The following RBM3 variants were observed in gnomAD, a reference collection of about 807,000 sequenced individuals.
The protein encoded by RBM3 is RNA-binding protein 3.
RBM3 carries 3 observed loss-of-function variants against 12.0 expected under a neutral mutation model. The observed-to-expected ratio is 0.25, with a 90% CI of 0.11 to 0.65. The LOEUF is 0.65. RBM3 is among the 30% of genes least tolerant of loss of function. RBM3 has a pLI of 0.84. For missense variants in RBM3, 108 were observed against 134.5 expected, an observed-to-expected ratio of 0.80 and a Z score of 0.97; for synonymous variants, 58 against 45.7, an observed-to-expected ratio of 1.27 and a Z score of -1.08.
intron 3 of RBM3, 24 bp downstream of exon 3, chrX:48,575,691 G>A: frequency 5.2e-6 from 6 of 1,164,552 alleles, no homozygotes; most frequent in Non-Finnish European, 5.8e-6. Context: ...TCTGCAGAGG[G>A]ACCTTGTCCC....
Position 48,579,302 on chromosome X carries a change from T to C in RBM3, c.*1861T>C, listed in dbSNP as rs782342710. 8.9e-6 allele frequency among the ~76,000 whole-genome samples: 1 copy of C among 112,094 alleles called. No individual in the cohort carries two copies. The highest frequency in any genetic ancestry group is 2.8e-4 in the East Asian group (1 of 3,584). On this transcript the variant is annotated 3_prime_UTR_variant, in exon 7 of 7. Coordinates refer to ENST00000376759, the MANE Select transcript of RBM3 (RefSeq NM_006743.5). ...CACCAGGTTGCAAACTCCAGGACATTATTGTCCTGAGCTGCCTATTCCCTT... is the reference window on the plus strand; with the variant it reads ...CACCAGGTTGCAAACTCCAGGACATCATTGTCCTGAGCTGCCTATTCCCTT...
chrX:48,579,797 T>C lies in RBM3; in HGVS notation c.*2356T>C, dbSNP rs182881536. ...GACCAAAATTTATTTGTATAACAAC[T>C]CTAAACCTGCTCTGCTCTGCTGTGT... On this transcript the variant is annotated 3_prime_UTR_variant, in exon 7 of 7. Transcript: ENST00000376759. 1 of 111,782 alleles carries C rather than the reference T, an allele frequency of 8.9e-6. No individual in the cohort carries two copies. Among genetic ancestry groups the C allele is most frequent in the East Asian group, 2.8e-4 (1 of 3,580 alleles). The allele number at this position is 111,782 out of a possible 1,213,427, so 9.2% of individuals were successfully genotyped here. A position where few individuals can be genotyped will look rare whatever the true frequency, so the allele number is the denominator to read the frequency against.
At position 48,577,602 on chromosome X, in the gene RBM3, G is replaced by A; in HGVS notation, c.*161G>A. ...TTTAAATTGACCTGCCAAGGTAGCT[G>A]AAGACCTTTTAGACAGTTCCATCTT... On this transcript the variant is annotated 3_prime_UTR_variant, in exon 7 of 7. Transcript: ENST00000376759. 5.0e-6 allele frequency: 3 copies of A among 597,507 alleles called. No homozygotes were observed. The highest frequency in any genetic ancestry group is 6.9e-6 in the Non-Finnish European group (3 of 436,409). The allele number at this position is 597,507 out of a possible 1,213,427, so 49.2% of individuals were successfully genotyped here.
rs2062096062 is a variant in RBM3, at chrX:48,580,003, CTT to C, written c.*2563_*2564del. 1 of 111,246 alleles carries C rather than the reference CTT, an allele frequency of 9.0e-6. No individual in the cohort carries two copies. Among genetic ancestry groups the C allele is most frequent in the Admixed American group, 9.7e-5 (1 of 10,350 alleles). 9.2% of individuals were successfully genotyped at this position (111,246 alleles called of 1,213,427 possible). A position where few individuals can be genotyped will look rare whatever the true frequency, so the allele number is the denominator to read the frequency against. On this transcript the variant is annotated 3_prime_UTR_variant, in exon 7 of 7. Transcript: ENST00000376759. ...TTGTTGGTCTCCTACTTTGGTTTGT[CTT>C]CAGCATCCAACTGATGCACATTTGT...
rs1032262336 is a variant in RBM3 at position 48,579,740 on chromosome X, G to T, written c.*2299G>T. 9.0e-6 allele frequency: 1 copy of T among 111,373 alleles called. No homozygotes were observed. The highest frequency in any genetic ancestry group is 9.6e-5 in the Admixed American group (1 of 10,396). The allele number at this position is 111,373 out of a possible 1,213,427, so 9.2% of individuals were successfully genotyped here. ...AGGATCCATAATCAGTAATATTCCT[G>T]CAACAAAATGTTCCTAAGTGGAATC... On this transcript the variant is annotated 3_prime_UTR_variant, in exon 7 of 7. Transcript: ENST00000376759.
rs1178546878 is a variant in RBM3 at position 48,577,823 on chromosome X, C to T, written c.*382C>T. 1 of 162,610 alleles carries T rather than the reference C, an allele frequency of 6.1e-6. No homozygotes were observed. Among genetic ancestry groups the T allele is most frequent in the Admixed American group, 8.0e-5 (1 of 12,537 alleles). 13.4% of individuals were successfully genotyped at this position (162,610 alleles called of 1,213,427 possible). ...CAGGGACATTTTAAAAACCTGTACA[C>T]AGTGTTTATTGTGGTTAGGAAGCAA... On this transcript the variant is annotated 3_prime_UTR_variant, in exon 7 of 7. Transcript: ENST00000376759.
chrX:48,577,017 C>T lies in RBM3; in HGVS notation c.414-9C>T, dbSNP rs926153. The stretch of plus-strand genomic sequence containing the variant: ...CAGAAAACTTTTGTGTGTTTTTTTT[C>T]CCCCCCAGAAACCAGGGTGGTTATG... On this transcript the variant is annotated splice_polypyrimidine_tract_variant and intron_variant, in intron 5 of 6. Coordinates refer to ENST00000376759, the MANE Select transcript of RBM3 (RefSeq NM_006743.5). 0.34 allele frequency: 401,426 copies of T among 1,197,662 alleles called. 46,629 individuals carry two copies. The highest frequency in any genetic ancestry group is 0.47 in the East Asian group (15,556 of 33,326).
Position 48,575,286 on chromosome X carries a change from G to A in RBM3, c.103+3G>A. ...CAGTTTCGGACCTATCTCTGAGGGT[G>A]AGACGGGCCATACTCACAATGGGGG... is the stretch of plus-strand genomic sequence containing the variant. On this transcript the variant is annotated splice_donor_region_variant and intron_variant, in intron 2 of 6. Coordinates refer to ENST00000376759, the MANE Select transcript of RBM3 (RefSeq NM_006743.5). The A allele has an allele frequency of 8.4e-7, 1 of 1,190,601 alleles. No individual in the cohort carries two copies. Among genetic ancestry groups the A allele is most frequent in the Non-Finnish European group, 1.1e-6 (1 of 878,054 alleles).
rs782419590 is a variant in RBM3 at position 48,574,525 on chromosome X, C to G, written c.-62C>G. On this transcript the variant is annotated 5_prime_UTR_variant, in exon 1 of 7. Transcript: ENST00000376759. ...CGCAGCCCCGTCCCTGTTTTTTGTG[C>G]TCCTCCGAGCTCGCTGTTCGTCCGG... The G allele has an allele frequency of 3.0e-6, 1 of 330,738 alleles. No individual in the cohort carries two copies. Among genetic ancestry groups the G allele is most frequent in the East Asian group, 9.4e-5 (1 of 10,662 alleles). The allele number at this position is 330,738 out of a possible 1,213,427, so 27.3% of individuals were successfully genotyped here.
At position 48,577,447 on chromosome X, in the gene RBM3, C is replaced by T. The variant is rs942955865; in HGVS notation, c.*24-18C>T. 11 of 1,004,743 alleles carry T rather than the reference C, an allele frequency of 1.1e-5. No individual in the cohort carries two copies. Among genetic ancestry groups the T allele is most frequent in the Admixed American group, 2.8e-5 (1 of 35,584 alleles). The allele number at this position is 1,004,743 out of a possible 1,213,427, so 82.8% of individuals were successfully genotyped here. ...TTACTTCATGACATCACAATTCTCC[C>T]CCTCTTGCTGTTCCCAGATACACAA... On this transcript the variant is annotated intron_variant, in intron 6 of 6. Coordinates refer to ENST00000376759, the MANE Select transcript of RBM3 (RefSeq NM_006743.5).
At chrX:48,576,948 A>T in intron 5 of RBM3, 78 bp from the exon 6 acceptor site, 1 of 1,114,075 alleles carries the variant, frequency 9.0e-7, no homozygotes, top group Non-Finnish European at 1.2e-6. Flanking sequence ...CCCATACTGT[A>T]AAATGTGACG....
At chrX:48,576,874 T>C (rs2062082798) in intron 5 of RBM3, 152 bp from the exon 6 acceptor site, 3 of 762,702 alleles carry the variant, frequency 3.9e-6, no homozygotes, top group Admixed American at 7.7e-5. Flanking sequence ...GCCATAAAAC[T>C]GTTTACTGTG....
chrX:48,575,334 C>T lies in RBM3; in HGVS notation c.103+51C>T, dbSNP rs781831425. 7 of 1,074,305 alleles carry T rather than the reference C, an allele frequency of 6.5e-6. No homozygotes were observed. The South Asian group carries it at 1.2e-4, about 18-fold the overall frequency. 88.5% of individuals were successfully genotyped at this position (1,074,305 alleles called of 1,213,427 possible). A position where few individuals can be genotyped will look rare whatever the true frequency, so the allele number is the denominator to read the frequency against. On this transcript the variant is annotated intron_variant, in intron 2 of 6. Coordinates refer to ENST00000376759, the MANE Select transcript of RBM3 (RefSeq NM_006743.5). ...GGGTTGGTGAGAGAAAGTCTGGGAT[C>T]CTTGCATTTCAAGGAGTATTAACTG...
At position 48,578,996 on chromosome X, in the gene RBM3, AG is replaced by A. The variant is rs2062092788; in HGVS notation, c.*1558del. Reference sequence around the variant, plus strand: ...TTATGCCATTTTACATTTTCTGTGGAGGGTTAGGTTAATTGGCATATAAAGC... The same window carrying A: ...TTATGCCATTTTACATTTTCTGTGGAGGTTAGGTTAATTGGCATATAAAGC... On this transcript the variant is annotated 3_prime_UTR_variant, in exon 7 of 7. Transcript: ENST00000376759. 1 of 111,272 alleles carries A rather than the reference AG, an allele frequency of 9.0e-6. No homozygotes were observed. Among genetic ancestry groups the A allele is most frequent in the African/African-American group, 3.3e-5 (1 of 30,649 alleles). 9.2% of individuals were successfully genotyped at this position (111,272 alleles called of 1,213,427 possible).
chrX:48,576,050 G>A, intron 3 of RBM3: 1 of 1,081,462 alleles, frequency 9.2e-7, no homozygotes, highest in Non-Finnish European at 1.2e-6. Flanking sequence ...TTAGAGGAGT[G>A]GGGAGGAGAA....
chrX:48,575,164 A>G lies in RBM3; in HGVS notation c.-13-4A>G. Reference sequence around the variant, plus strand: ...TGCCACCATTCTTCATGTTCTTCCCACAGGACTTGAACTGCCATGTCCTCT... The same window carrying G: ...TGCCACCATTCTTCATGTTCTTCCCGCAGGACTTGAACTGCCATGTCCTCT... On this transcript the variant is annotated splice_polypyrimidine_tract_variant and splice_region_variant and intron_variant, in intron 1 of 6. Transcript: ENST00000376759. 8.5e-7 allele frequency: 1 copy of G among 1,172,544 alleles called. No homozygotes were observed. Among genetic ancestry groups the G allele is most frequent in the Non-Finnish European group, 1.2e-6 (1 of 863,816 alleles).
At chrX:48,576,847 C>G (rs1231887514) in intron 5 of RBM3, among the ~76,000 whole-genome samples, 179 bp from the exon 6 acceptor site, 1 of 112,175 alleles carries the variant, frequency 8.9e-6, no homozygotes, top group African/African-American at 3.2e-5. Context: ...ATTTAATATA[C>G]TGCGTATAAA....
At chrX:48,577,316 CTA>C (rs1471234495) in intron 6 of RBM3, 147 bp from the exon 7 acceptor site, 3 of 941,855 alleles carry the variant, frequency 3.2e-6, no homozygotes, top group Non-Finnish European at 4.3e-6. Context: ...AACCCATCTC[CTA>C]TAATCTTCTA....
At chrX:48,576,897 T>C in intron 5 of RBM3, 129 bp from the exon 6 acceptor site, 1 of 867,599 alleles carries the variant, frequency 1.2e-6, no homozygotes, top group Non-Finnish European at 1.6e-6. Context: ...ACTCATATGC[T>C]TAACATATCC....
Sources: allele counts gnomAD v4.1 joint callset (sites outside exome capture counted in the v4.1 genomes callset), GRCh38; gene constraint gnomAD v4.1.1; transcripts MANE v1.5; gene names NCBI Gene and HGNC (gene_info 2026-07-23, HGNC 2026-07-21).